Variants in BCL11B observed in about 807,000 individuals in gnomAD.
BCL11B encodes BCL11 transcription factor B.
A neutral mutation model predicts 49.9 loss-of-function variants in BCL11B; 8 were observed. The ratio of observed to expected loss-of-function variants is 0.16; its 90% CI spans 0.09 to 0.29. The LOEUF (loss-of-function observed/expected upper bound fraction) is 0.29. BCL11B is among the 10% of genes least tolerant of loss of function. BCL11B has a pLI of 1.00. For synonymous variants in BCL11B, 739 were observed against 637.4 expected, an observed-to-expected ratio of 1.16 and a Z score of -2.40; for missense variants, 1,006 against 1,351.0, an observed-to-expected ratio of 0.74 and a Z score of 4.00.
chr14:99,199,683 T>TGTGTGTGTGTGTGTGTGCGCGCGCGC (rs759599743), intron 3 of BCL11B, among the ~76,000 whole-genome samples: 8 of 73,638 alleles, frequency 1.1e-4, no homozygotes, highest in African/African-American at 2.7e-4. Context: ...TGTGTGTGTG[T>TGTGTGTGTGTGTGTGTGCGCGCGCGC]GCGCGCGCGC....
At chr14:99,265,971 T>C (rs981171423) in intron 1 of BCL11B, among the ~76,000 whole-genome samples, 10 of 152,144 alleles carry the variant, frequency 6.6e-5, no homozygotes, top group African/African-American at 2.4e-4. Flanking sequence ...AATCCTATGA[T>C]CAAAAGCACA....
At chr14:99,198,004 A>T (rs1887227265) in intron 3 of BCL11B, among the ~76,000 whole-genome samples, 1 of 152,232 alleles carries the variant, frequency 6.6e-6, no homozygotes, top group South Asian at 2.1e-4. Flanking sequence ...CAGCTGGCTG[A>T]CACGCGTGGG....
chr14:99,258,999 G>A (rs1033762460), intron 1 of BCL11B, among the ~76,000 whole-genome samples: 1 of 111,186 alleles, frequency 9.0e-6, no homozygotes, highest in East Asian at 6.8e-4. Context: ...TGGAAGACTC[G>A]GCAGCCAAAA....
At chr14:99,179,996 C>T (rs1441676826) in intron 3 of BCL11B, among the ~76,000 whole-genome samples, 3 of 152,116 alleles carry the variant, frequency 2.0e-5, no homozygotes, top group Non-Finnish European at 4.4e-5. Context: ...CAGTCTCAGA[C>T]GGCTCATTTT....
intron 3 of BCL11B, among the ~76,000 whole-genome samples, chr14:99,204,546 C>T (rs542254720): frequency 2.0e-5 from 3 of 152,216 alleles, no homozygotes; most frequent in African/African-American, 7.2e-5. Flanking sequence ...GGGGGACTCG[C>T]CAACACCCAC....
rs1595236418 is a variant in BCL11B, at chr14:99,197,446, C to T, written c.641-21251G>A. ...TTCTTTCTTTCCAATATCCATAGTACCCTTAATAAAGAAAATGAGTGAAGT... is the reference window on the plus strand; with the variant it reads ...TTCTTTCTTTCCAATATCCATAGTATCCTTAATAAAGAAAATGAGTGAAGT... On this transcript the variant is annotated intron_variant, in intron 3 of 3. Transcript: ENST00000357195. Among the ~76,000 whole-genome samples the T allele has an allele frequency of 4.6e-5, 7 of 152,232 alleles. No individual in the cohort carries two copies. In the Middle Eastern group the frequency reaches 0.017, roughly 370 times the overall value.
intron 1 of BCL11B, among the ~76,000 whole-genome samples, chr14:99,261,722 A>C (rs1232587806): frequency 6.6e-6 from 1 of 152,240 alleles, no homozygotes; most frequent in African/African-American, 2.4e-5. Flanking sequence ...TCAATATATT[A>C]TGAGCCGAAT....
intron 3 of BCL11B, among the ~76,000 whole-genome samples, chr14:99,204,531 T>G (rs889937706): frequency 1.3e-5 from 2 of 151,676 alleles, no homozygotes; most frequent in Admixed American, 6.6e-5. Flanking sequence ...CTCAGGGAGG[T>G]GGGTGGGGGA....
At chr14:99,188,818 G>A (rs1016593507) in intron 3 of BCL11B, among the ~76,000 whole-genome samples, 3 of 152,220 alleles carry the variant, frequency 2.0e-5, no homozygotes, top group African/African-American at 7.2e-5. Context: ...CGGCTCCCGC[G>A]GCTGGAGCCC....
chr14:99,256,866 T>C (rs1415637026), intron 2 of BCL11B, among the ~76,000 whole-genome samples: 1 of 151,624 alleles, frequency 6.6e-6, no homozygotes, highest in African/African-American at 2.4e-5. Context: ...GCCCCTGGGG[T>C]CGGGCAATGT....
rs1299957367 is a variant in BCL11B, at chr14:99,174,454, G to T, written c.2382C>A (p.Arg794=). The T allele has an allele frequency of 1.2e-6, 2 of 1,608,232 alleles. No individual in the cohort carries two copies. Among genetic ancestry groups the T allele is most frequent in the South Asian group, 1.1e-5 (1 of 90,500 alleles). The stretch of plus-strand genomic sequence containing the variant: ...TGCCGCAGTACTCGCACGTGTCGCT[G>T]CGGCGGCCCTCCTTGGAGCTGGGCC... ...PGRPSSKEGR[R]SDTCEYCGKV... Residue 794 remains arginine (R), a synonymous_variant, in exon 4 of 4, where the codon CGC becomes CGA. Coordinates refer to ENST00000357195, the MANE Select transcript of BCL11B (RefSeq NM_138576.4).
chr14:99,175,879 G>A lies in BCL11B; in HGVS notation c.957C>T (p.Pro319=), dbSNP rs763009922. ...GCGGGTCCAGGTGGTGGCGCGGCGG[G>A]GGACTGAAGAGAGGCGGCGTGCCCG... is the stretch of plus-strand genomic sequence containing the variant. ...RLPGTPPLFS[P]PPRHHLDPHR... The change falls in exon 4 of 4, where the codon CCC becomes CCT. Residue 319 remains proline, a synonymous_variant. Coordinates refer to ENST00000357195, the MANE Select transcript of BCL11B (RefSeq NM_138576.4). The A allele has an allele frequency of 3.4e-6, 5 of 1,469,432 alleles. No individual in the cohort carries two copies. Among genetic ancestry groups the A allele is most frequent in the Non-Finnish European group, 4.5e-6 (5 of 1,114,958 alleles). 91.0% of individuals were successfully genotyped at this position (1,469,432 alleles called of 1,614,324 possible).
intron 3 of BCL11B, among the ~76,000 whole-genome samples, chr14:99,199,475 G>C (rs1226959768): frequency 1.3e-5 from 2 of 152,198 alleles, no homozygotes; most frequent in African/African-American, 4.8e-5. Context: ...CAGATATTTG[G>C]TGAGAGGGTT....
At chr14:99,203,593 G>A (rs548730765) in intron 3 of BCL11B, among the ~76,000 whole-genome samples, 2 of 152,256 alleles carry the variant, frequency 1.3e-5, no homozygotes, top group East Asian at 3.9e-4. Context: ...GCACCATGGG[G>A]GTCCTGGGAA....
Position 99,186,399 on chromosome 14 carries a change from A to G in BCL11B, c.641-10204T>C, listed in dbSNP as rs12432135. On this transcript the variant is annotated intron_variant, in intron 3 of 3. Coordinates refer to ENST00000357195, the MANE Select transcript of BCL11B (RefSeq NM_138576.4). ...AGCCAGCATGGTGGCAGGTGCCTGT[A>G]GTCCCAGCTACTTGGGAGGCTGAGG... is the stretch of plus-strand genomic sequence containing the variant. 6.0e-3 allele frequency among the ~76,000 whole-genome samples: 915 copies of G among 152,358 alleles called. 37 individuals are homozygous for G. In the East Asian group the frequency reaches 0.11, roughly 18 times the overall value.
chr14:99,231,771 G>C lies in BCL11B; in HGVS notation c.428-214C>G, dbSNP rs2139892493. ...GGCAGGGGGCACTGGGGAGGGCCCGGTTTCCACAGCTGCCAGGCTGGGCTG... is the reference window on the plus strand; with the variant it reads ...GGCAGGGGGCACTGGGGAGGGCCCGCTTTCCACAGCTGCCAGGCTGGGCTG... On this transcript the variant is annotated intron_variant, in intron 2 of 3. Coordinates refer to ENST00000357195, the MANE Select transcript of BCL11B (RefSeq NM_138576.4). The surrounding 1 kb of genome is among the most constrained non-coding windows in gnomAD (Gnocchi z 8.1). 6.6e-6 allele frequency among the ~76,000 whole-genome samples: 1 copy of C among 151,974 alleles called. No homozygotes were observed. The highest frequency in any genetic ancestry group is 2.0e-4 in the East Asian group (1 of 5,110).
chr14:99,249,279 C>T lies in BCL11B; in HGVS notation c.427+8192G>A, dbSNP rs556141696. 7.9e-5 allele frequency among the ~76,000 whole-genome samples: 12 copies of T among 152,232 alleles called. No homozygotes were observed. In the South Asian group the frequency reaches 1.0e-3, roughly 13 times the overall value. On this transcript the variant is annotated intron_variant, in intron 2 of 3. Transcript: ENST00000357195. Reference sequence around the variant, plus strand: ...CCTCCCTGGGAAGTCAGGAGCCTGTCCTCTTTTTTTATTTTAATTTTAATT... The same window carrying T: ...CCTCCCTGGGAAGTCAGGAGCCTGTTCTCTTTTTTTATTTTAATTTTAATT...
rs1887136777 is a variant in BCL11B at position 99,194,874 on chromosome 14, C to G, written c.641-18679G>C. 6.6e-6 allele frequency among the ~76,000 whole-genome samples: 1 copy of G among 152,158 alleles called. No individual in the cohort carries two copies. The highest frequency in any genetic ancestry group is 2.4e-5 in the African/African-American group (1 of 41,438). ...CCTTGGTCAGTCCTTACCACGATCCCATCTTACCTCAGCTCCCAAGTGCAG... is the reference window on the plus strand; with the variant it reads ...CCTTGGTCAGTCCTTACCACGATCCGATCTTACCTCAGCTCCCAAGTGCAG... On this transcript the variant is annotated intron_variant, in intron 3 of 3. Coordinates refer to ENST00000357195, the MANE Select transcript of BCL11B (RefSeq NM_138576.4). This position sits in a 1 kb window ranked among gnomAD's most constrained non-coding sequence, Gnocchi z 4.6.
chr14:99,221,073 T>C (rs936599474), intron 3 of BCL11B, among the ~76,000 whole-genome samples: 2 of 152,120 alleles, frequency 1.3e-5, no homozygotes, highest in African/African-American at 4.8e-5. Context: ...AGGATGGTCT[T>C]GATCTCTTGA....
Sources: allele counts gnomAD v4.1 joint callset (sites outside exome capture counted in the v4.1 genomes callset), GRCh38; gene constraint gnomAD v4.1.1; non-coding constraint Gnocchi (gnomAD v3.1); transcripts MANE v1.5; gene names NCBI Gene and HGNC (gene_info 2026-07-23, HGNC 2026-07-21).